The following ABL1 variants were observed in gnomAD, a reference collection of about 807,000 sequenced individuals.
ABL1 encodes the protein tyrosine-protein kinase ABL1.
A neutral mutation model predicts 94.7 loss-of-function variants in ABL1; 11 were observed. The ratio of observed to expected loss-of-function variants is 0.12; its 90% CI spans 0.07 to 0.19. The LOEUF is 0.19. Among genes scored for constraint, ABL1 ranks in the 10% least tolerant of loss-of-function variants. ABL1 has a pLI of 1.00. For synonymous variants in ABL1, 656 were observed against 622.4 expected, an observed-to-expected ratio of 1.05 and a Z score of -0.80; for missense variants, 1,082 against 1,489.4, an observed-to-expected ratio of 0.73 and a Z score of 4.50.
chr9:130,884,319 G>C lies in ABL1; in HGVS notation c.2029G>C (p.Gly677Arg), dbSNP rs564161762. 1 of 1,610,602 alleles carries C rather than the reference G, an allele frequency of 6.2e-7. No individual in the cohort carries two copies. Among genetic ancestry groups the C allele is most frequent in the Admixed American group, 1.7e-5 (1 of 59,762 alleles). Residue 677 changes from glycine to arginine, a missense_variant, in exon 11 of 11, where the codon GGG becomes CGG. Around this residue, in one of 7 missense-constraint regions of ABL1, gnomAD observed 780 missense variants for 835.8 expected, o/e 0.93. Coordinates refer to ENST00000318560, the MANE Select transcript of ABL1 (RefSeq NM_005157.6). The surrounding 1 kb of genome is among the most constrained non-coding windows in gnomAD (Gnocchi z 5.6). ...CCCCAATGGAGCCCTCCGGGAGTCC[G>C]GGGGCTCAGGCTTCCGGTCTCCCCA... ...GVPNGALRES[G>R]GSGFRSPHLW...
intron 1 of ABL1, among the ~76,000 whole-genome samples, chr9:130,798,966 CAAA>C (rs71389357): frequency 1.2e-4 from 8 of 66,810 alleles, no homozygotes; most frequent in African/African-American, 1.6e-4. Flanking sequence ...GACTCCGTCT[CAAA>C]AAAAAAAAAA....
chr9:130,741,250 CAG>C, intron 1 of ABL1, among the ~76,000 whole-genome samples: 5 of 152,066 alleles, frequency 3.3e-5, no homozygotes, highest in African/African-American at 1.2e-4. Context: ...ACAAATGCCA[CAG>C]CAGACCCATG....
chr9:130,878,698 A>T, intron 8 of ABL1, 131 bp downstream of exon 8: 1 of 1,137,642 alleles, frequency 8.8e-7, no homozygotes. Context: ...AGATGCAGCT[A>T]ATGTAGCCAT....
intron 6 of ABL1, among the ~76,000 whole-genome samples, chr9:130,874,580 G>A (rs1831308947): frequency 6.6e-6 from 1 of 152,136 alleles, no homozygotes; most frequent in Non-Finnish European, 1.5e-5. Context: ...CATTATTATC[G>A]TCTTCATTTT....
At chr9:130,714,517 G>A in intron 1 of ABL1, 1 of 1,609,208 alleles carries the variant, frequency 6.2e-7, no homozygotes, top group Non-Finnish European at 8.5e-7. Flanking sequence ...AGGCCTTCAA[G>A]GAACTTTGAA....
chr9:130,859,679 T>C (rs1272745300), intron 3 of ABL1, among the ~76,000 whole-genome samples: 4,116 of 88,786 alleles, frequency 0.046, 489 homozygotes, highest in African/African-American at 0.12. Flanking sequence ...TTTCTTTCCT[T>C]TTTTTTTTTT....
At chr9:130,845,429 C>T (rs1427156755) in intron 1 of ABL1, among the ~76,000 whole-genome samples, 1 of 152,002 alleles carries the variant, frequency 6.6e-6, no homozygotes, top group African/African-American at 2.4e-5. Context: ...GCAACCTCCA[C>T]CTTCCGGGTT....
chr9:130,886,605 G>C lies in ABL1; in HGVS notation c.*922G>C, dbSNP rs3088011. 0.096 allele frequency: 22,394 copies of C among 233,514 alleles called. 1,181 individuals carry two copies. The highest frequency in any genetic ancestry group is 0.13 in the African/African-American group (6,043 of 45,426). The allele number at this position is 233,514 out of a possible 1,614,324, so 14.5% of individuals were successfully genotyped here. Reference sequence around the variant, plus strand: ...AATAGCCCCAGACTGGGCCCAGGCAGGTCTGCAAGGGCCCAGAGTGAACCG... The same window carrying C: ...AATAGCCCCAGACTGGGCCCAGGCACGTCTGCAAGGGCCCAGAGTGAACCG... On this transcript the variant is annotated 3_prime_UTR_variant, in exon 11 of 11. Coordinates refer to ENST00000318560, the MANE Select transcript of ABL1 (RefSeq NM_005157.6).
chr9:130,722,665 AT>A (rs1283984374), intron 1 of ABL1, among the ~76,000 whole-genome samples: 1 of 152,096 alleles, frequency 6.6e-6, no homozygotes, highest in Non-Finnish European at 1.5e-5. Context: ...ATGTATGTAC[AT>A]TTTTTATAAG....
chr9:130,797,238 A>G (rs1339356734), intron 1 of ABL1, among the ~76,000 whole-genome samples: 66 of 16,290 alleles, frequency 4.1e-3, no homozygotes, highest in East Asian at 0.019. Flanking sequence ...TCCATCTCGA[A>G]AAAAAAAAAA....
chr9:130,881,530 A>G (rs1463085007), intron 10 of ABL1, among the ~76,000 whole-genome samples: 1 of 152,168 alleles, frequency 6.6e-6, no homozygotes, highest in Non-Finnish European at 1.5e-5. Context: ...GCTTTATAAA[A>G]CCATCAGATC....
At chr9:130,724,922 G>T in intron 1 of ABL1, 1 of 374,994 alleles carries the variant, frequency 2.7e-6, no homozygotes, top group South Asian at 2.2e-5. Context: ...ACTTCCTCTT[G>T]CGCTTGGCGG....
chr9:130,726,440 G>T (rs1831587110), intron 1 of ABL1, among the ~76,000 whole-genome samples: 1 of 152,022 alleles, frequency 6.6e-6, no homozygotes, highest in African/African-American at 2.4e-5. Context: ...TGTCTATAGG[G>T]TCTGTGGTGA....
intron 1 of ABL1, chr9:130,724,873 C>T: frequency 2.2e-6 from 1 of 448,270 alleles, no homozygotes; most frequent in East Asian, 5.7e-5. Flanking sequence ...CGCCCAGTCC[C>T]TGTGGCCTTT....
At chr9:130,736,001 G>A (rs1440598442) in intron 1 of ABL1, among the ~76,000 whole-genome samples, 1 of 141,000 alleles carries the variant, frequency 7.1e-6, no homozygotes, top group African/African-American at 2.7e-5. Context: ...TGTTATGCAG[G>A]CTGGAGTGCA....
chr9:130,726,198 G>A (rs1831583472), intron 1 of ABL1, among the ~76,000 whole-genome samples: 1 of 105,632 alleles, frequency 9.5e-6, no homozygotes, highest in African/African-American at 5.4e-5. Context: ...CATACAGAAA[G>A]GGGCACAAAT....
chr9:130,858,016 G>C (rs939140500), intron 3 of ABL1, among the ~76,000 whole-genome samples: 1 of 150,854 alleles, frequency 6.6e-6, no homozygotes, highest in African/African-American at 2.4e-5. Context: ...CACCGCCCAT[G>C]GGGGGTGATT....
chr9:130,751,129 CTTTTTTTTTTTT>C (rs60206110), intron 1 of ABL1, among the ~76,000 whole-genome samples: 9 of 57,486 alleles, frequency 1.6e-4, no homozygotes, highest in Non-Finnish European at 2.1e-4. Context: ...TTTTATTCAG[CTTTTTTTTTTTT>C]TTTTTTTTTT....
At chr9:130,828,258 T>TCTCA (rs1236943497) in intron 1 of ABL1, among the ~76,000 whole-genome samples, 1 of 152,042 alleles carries the variant, frequency 6.6e-6, no homozygotes, top group Non-Finnish European at 1.5e-5. Flanking sequence ...AGAGATGGGG[T>TCTCA]CTCACTATGT....
Sources: allele counts gnomAD v4.1 joint callset (sites outside exome capture counted in the v4.1 genomes callset), GRCh38; gene constraint gnomAD v4.1.1; regional missense constraint gnomAD v4.1.1; non-coding constraint Gnocchi (gnomAD v3.1); transcripts MANE v1.5; gene names NCBI Gene and HGNC (gene_info 2026-07-23, HGNC 2026-07-21).